B3GALNT2: variants seen among roughly 807,000 people sequenced by gnomAD.
B3GALNT2 encodes the protein UDP-GalNAc:beta-1,3-N-acetylgalactosaminyltransferase 2.
A neutral mutation model predicts 61.1 loss-of-function variants in B3GALNT2; 53 were observed. The ratio of observed to expected loss-of-function variants is 0.87; its 90% confidence interval spans 0.70 to 1.09. The LOEUF (loss-of-function observed/expected upper bound fraction) is 1.09, where lower values mean the gene tolerates loss of function less well. Among genes scored for constraint, B3GALNT2 ranks in the 50% least tolerant of loss-of-function variants. B3GALNT2 has a pLI of 0.00. For missense variants in B3GALNT2, 544 were observed against 623.0 expected (o/e 0.87, Z 1.35); for synonymous variants, 223 against 237.4 (o/e 0.94, Z 0.56).
intron 7 of B3GALNT2, 102 bp from the exon 8 acceptor site, chr1:235,458,888 G>C: frequency 9.5e-7 from 1 of 1,056,642 alleles, no homozygotes; most frequent in Non-Finnish European, 1.3e-6. Context: ...TAACCCAGCA[G>C]AAACACATGC....
rs140396167 is a variant in B3GALNT2, at chr1:235,467,038, C to T, written c.763-1324G>A. ...AAGTAATCTGAGGTCACTGTAGTAA[C>T]TTGTCATTTAATTTAAAATATGTTT... is the stretch of plus-strand genomic sequence containing the variant. On this transcript the variant is annotated intron_variant, in intron 6 of 11. Transcript: ENST00000366600. Among the ~76,000 whole-genome samples, 505 of 152,222 alleles carry T rather than the reference C, an allele frequency of 3.3e-3. 3 individuals are homozygous for T. Among genetic ancestry groups the T allele is most frequent in the African/African-American group, 0.012 (494 of 41,520 alleles).
At position 235,458,723 on chromosome 1, in the gene B3GALNT2, T is replaced by C. The variant is rs1268009866; in HGVS notation, c.905A>G (p.Asn302Ser). ...CAGTAAGGCATCTTCCTCATGGAGA[T>C]TCCTTATATGATCAATAAGTCTTTG... Reference protein sequence around the residue: ...RPQRLIDHIRNLHEEDALLKE... With the variant: ...RPQRLIDHIRSLHEEDALLKE... Residue 302 changes from asparagine (N) to serine (S), a missense_variant, in exon 8 of 12, where the codon AAT becomes AGT. Physicochemically the swap from Asn to Ser is conservative, Grantham distance 46 (BLOSUM62 1). Coordinates refer to ENST00000366600, the MANE Select transcript of B3GALNT2 (RefSeq NM_152490.5). The C allele has an allele frequency of 1.9e-6, 3 of 1,613,130 alleles. No individual in the cohort carries two copies. The highest frequency in any genetic ancestry group is 2.5e-6 in the Non-Finnish European group (3 of 1,179,638).
chr1:235,485,087 C>CT (rs1205330235), intron 3 of B3GALNT2, among the ~76,000 whole-genome samples: 2 of 152,344 alleles, frequency 1.3e-5, no homozygotes, highest in East Asian at 1.9e-4. Flanking sequence ...TTTGAACCAT[C>CT]TTCTATGTAC....
Position 235,492,837 on chromosome 1 carries a change from G to A in B3GALNT2, c.260+1844C>T, listed in dbSNP as rs190015867. Among the ~76,000 whole-genome samples, 115 of 152,290 alleles carry A rather than the reference G, an allele frequency of 7.6e-4. 1 individual carries two copies. In the East Asian group the frequency reaches 0.011, roughly 14 times the overall value. ...CCTGAGGACATTAGTGAGAGAGGAC[G>A]TAGGAAATGCAAAGGCCCTGAGGTA... On this transcript the variant is annotated intron_variant, in intron 2 of 11. Transcript: ENST00000366600.
In B3GALNT2 at chr1:235,498,924, T is replaced by C. The variant is rs1187203548; in HGVS notation, c.113-4096A>G. Among the ~76,000 whole-genome samples the C allele has an allele frequency of 2.7e-5, 4 of 150,252 alleles. No homozygotes were observed. The Admixed American group carries it at 2.7e-4, about 10-fold the overall frequency. On this transcript the variant is annotated intron_variant, in intron 1 of 11. Coordinates refer to ENST00000366600, the MANE Select transcript of B3GALNT2 (RefSeq NM_152490.5). ...AGGAATGTAATTTGGTACAGTCTTC[T>C]GCAGGGCAATTTGGCAATGTGTCAA...
At position 235,450,049 on chromosome 1, in the gene B3GALNT2, C is replaced by T. The variant is rs541273883; in HGVS notation, c.*157G>A. 1.8e-5 allele frequency: 15 copies of T among 835,548 alleles called. No homozygotes were observed. The highest frequency in any genetic ancestry group is 2.2e-5 in the Non-Finnish European group (12 of 555,922). The allele number at this position is 835,548 out of a possible 1,614,324, so 51.8% of individuals were successfully genotyped here. A position where few individuals can be genotyped will look rare whatever the true frequency, so the allele number is the denominator to read the frequency against. On this transcript the variant is annotated 3_prime_UTR_variant, in exon 12 of 12. Transcript: ENST00000366600. ...TGATTTTTAAGGAAATTTGTGCAAA[C>T]ATTAAGAAACACCGCATTGGTTCTG... is the stretch of plus-strand genomic sequence containing the variant.
At position 235,504,394 on chromosome 1, in the gene B3GALNT2, C is replaced by G. The variant is rs942017643; in HGVS notation, c.-142G>C. On this transcript the variant is annotated 5_prime_UTR_variant, in exon 1 of 12. Transcript: ENST00000366600. ...CTCGCGCTCGGCGACGTCTGGGGGG[C>G]TCCTCGCAGCTCCCGGCCCCGCTCC... The G allele has an allele frequency of 1.9e-5, 16 of 854,130 alleles. No homozygotes were observed. The East Asian group carries it at 3.3e-4, about 17-fold the overall frequency. The allele number at this position is 854,130 out of a possible 1,614,324, so 52.9% of individuals were successfully genotyped here. A position where few individuals can be genotyped will look rare whatever the true frequency, so the allele number is the denominator to read the frequency against.
At position 235,447,988 on chromosome 1, in the gene B3GALNT2, A is replaced by G. The variant is rs1446486373; in HGVS notation, c.*2218T>C. Among the ~76,000 whole-genome samples the G allele has an allele frequency of 6.6e-6, 1 of 152,058 alleles. No individual in the cohort carries two copies. Among genetic ancestry groups the G allele is most frequent in the African/African-American group, 2.4e-5 (1 of 41,400 alleles). On this transcript the variant is annotated 3_prime_UTR_variant, in exon 12 of 12. Transcript: ENST00000366600. ...CACTTTGGGGGGCCAGGGCGGGCGG[A>G]TCACGAGGTCAGGAGTTCAAGACCA... is the stretch of plus-strand genomic sequence containing the variant.
rs1682798868 is a variant in B3GALNT2 at position 235,450,082 on chromosome 1, G to A, written c.*124C>T. On this transcript the variant is annotated 3_prime_UTR_variant, in exon 12 of 12. Coordinates refer to ENST00000366600, the MANE Select transcript of B3GALNT2 (RefSeq NM_152490.5). ...AACACCGCATTGGTTCTGGGTGAAA[G>A]TGCCAGTCTGGAACTCTCTTGAAAG... is the stretch of plus-strand genomic sequence containing the variant. 3.4e-6 allele frequency: 4 copies of A among 1,188,928 alleles called. No homozygotes were observed. Among genetic ancestry groups the A allele is most frequent in the Middle Eastern group, 2.8e-4 (1 of 3,578 alleles). The allele number at this position is 1,188,928 out of a possible 1,614,324, so 73.6% of individuals were successfully genotyped here. A position where few individuals can be genotyped will look rare whatever the true frequency, so the allele number is the denominator to read the frequency against.
At chr1:235,493,703 A>G (rs1277561153) in intron 2 of B3GALNT2, among the ~76,000 whole-genome samples, 1 of 152,038 alleles carries the variant, frequency 6.6e-6, no homozygotes, top group Non-Finnish European at 1.5e-5. Context: ...GCTTGAACCC[A>G]GGAATTGGAG....
downstream of B3GALNT2, among the ~76,000 whole-genome samples, chr1:235,444,038 A>G (rs927104404): frequency 1.3e-5 from 2 of 152,242 alleles, no homozygotes; most frequent in Non-Finnish European, 2.9e-5. Flanking sequence ...TGAAATACAC[A>G]TCAGCTTAAT....
Position 235,450,237 on chromosome 1 carries a change from C to T in B3GALNT2, c.1472G>A (p.Cys491Tyr). The T allele has an allele frequency of 6.2e-7, 1 of 1,614,140 alleles. No homozygotes were observed. Among genetic ancestry groups the T allele is most frequent in the Non-Finnish European group, 8.5e-7 (1 of 1,180,018 alleles). The change falls in exon 12 of 12, where the codon TGC (cysteine) becomes TAC (tyrosine). Residue 491 changes from cysteine to tyrosine, a missense_variant. By Grantham distance (194) the Cys-to-Tyr change is radical. Transcript: ENST00000366600. The part of the protein sequence containing the change: ...LTELWKLKER[C>Y]GDPCRCQAR ...TGCTTGACATCGACAAGGATCACCG[C>T]ACCGTTCCTTCAGTTTCCACAGTTC...
intron 9 of B3GALNT2, 106 bp from the exon 10 acceptor site, chr1:235,454,421 G>A: frequency 8.8e-7 from 1 of 1,139,572 alleles, no homozygotes; most frequent in South Asian, 1.9e-5. Context: ...GCTTGTAGAA[G>A]TGAGGAAAGA....
chr1:235,488,623 GCAGTGAGC>G (rs113761697), intron 3 of B3GALNT2, among the ~76,000 whole-genome samples: 72,464 of 140,604 alleles, frequency 0.52, 18,987 homozygotes, highest in African/African-American at 0.6. Flanking sequence ...GGCGGAGGTT[GCAGTGAGC>G]CAGTGAGCTG....
chr1:235,470,800 T>C (rs1431816322), intron 6 of B3GALNT2, 50 bp downstream of exon 6: 4 of 1,592,102 alleles, frequency 2.5e-6, no homozygotes, highest in Non-Finnish European at 3.4e-6. Context: ...ATTTTATATA[T>C]TAAAAAGAAG....
rs986358645 is a variant in B3GALNT2 at position 235,485,730 on chromosome 1, T to C, written c.362-1215A>G. ...AGATTATATCAAAGTTCTTTGTATC[T>C]TTTAGAGCTGTGGTTTTCAAATTTT... is the stretch of plus-strand genomic sequence containing the variant. On this transcript the variant is annotated intron_variant, in intron 3 of 11. Coordinates refer to ENST00000366600, the MANE Select transcript of B3GALNT2 (RefSeq NM_152490.5). Among the ~76,000 whole-genome samples, 4 of 152,350 alleles carry C rather than the reference T, an allele frequency of 2.6e-5. No individual in the cohort carries two copies. In the East Asian group the frequency reaches 5.8e-4, roughly 22 times the overall value.
chr1:235,456,061 A>G (rs1683156973), intron 8 of B3GALNT2, among the ~76,000 whole-genome samples: 3 of 152,252 alleles, frequency 2.0e-5, no homozygotes, highest in Admixed American at 2.0e-4. Flanking sequence ...ACAAAGGCCC[A>G]GCATAATGAA....
At chr1:235,498,561 G>C (rs749504401) in intron 1 of B3GALNT2, among the ~76,000 whole-genome samples, 1 of 152,046 alleles carries the variant, frequency 6.6e-6, no homozygotes, top group East Asian at 1.9e-4. Flanking sequence ...ACTCTCCGCC[G>C]GGCACGGTGG....
rs779678584 is a variant in B3GALNT2, at chr1:235,454,332, TGTG to T, written c.1152-20_1152-18del. 12 of 1,596,974 alleles carry T rather than the reference TGTG, an allele frequency of 7.5e-6. No homozygotes were observed. The South Asian group carries it at 1.3e-4, about 18-fold the overall frequency. ...AGTCTGAAACTGAGATGAAAAATAA[TGTG>T]GCCTCTTGTGTTAGTCTGACACATA... On this transcript the variant is annotated intron_variant, in intron 9 of 11. Transcript: ENST00000366600.
Sources: gnomAD v4.1 joint callset for allele counts (sites outside exome capture counted in the v4.1 genomes callset) on GRCh38, gnomAD v4.1.1 for gene constraint, MANE v1.5 for transcripts, NCBI Gene and HGNC (gene_info 2026-07-23, HGNC 2026-07-21) for gene names.